HLA-DOB: variants seen among roughly 807,000 people sequenced by gnomAD.
HLA-DOB encodes HLA class II histocompatibility antigen, DO beta chain.
In HLA-DOB, 25 loss-of-function variants were observed where a neutral mutation model predicts 27.7. The observed-to-expected ratio is 0.90, with a 90% confidence interval of 0.66 to 1.26. The LOEUF (loss-of-function observed/expected upper bound fraction) is 1.26. Among genes scored for constraint, HLA-DOB ranks in the 50% most tolerant of loss-of-function variants. The probability of loss-of-function intolerance (pLI) is 0.00; values close to 1 mark genes in which losing one functional copy is unlikely to be tolerated. For missense variants in HLA-DOB, 306 were observed against 324.9 expected, an observed-to-expected ratio of 0.94 and a Z score of 0.45; for synonymous variants, 137 against 125.6, an observed-to-expected ratio of 1.09 and a Z score of -0.61.
intron 3 of HLA-DOB, 90 bp downstream of exon 3, chr6:32,814,230 A>T: frequency 8.0e-7 from 1 of 1,247,540 alleles, no homozygotes; most frequent in Non-Finnish European, 1.1e-6. Context: ...TCATGTTGTG[A>T]CCAAGATAAA....
rs186866926 is a variant in HLA-DOB, at chr6:32,813,572, C to T, written c.755-101G>A. ...GCTGGCAAGGTCAGCACTCTCTCTGCTTATCCCATTTCTAGCTTCAGAAAA... is the reference window on the plus strand; with the variant it reads ...GCTGGCAAGGTCAGCACTCTCTCTGTTTATCCCATTTCTAGCTTCAGAAAA... On this transcript the variant is annotated intron_variant, in intron 4 of 5. Coordinates refer to ENST00000438763, the MANE Select transcript of HLA-DOB (RefSeq NM_002120.4). 3.4e-4 allele frequency: 462 copies of T among 1,364,264 alleles called. 1 individual carries two copies. In the African/African-American group the frequency reaches 5.7e-3, roughly 17 times the overall value. 84.5% of individuals were successfully genotyped at this position (1,364,264 alleles called of 1,614,324 possible).
In HLA-DOB at chr6:32,814,436, T is replaced by C. The variant is rs201198783; in HGVS notation, c.527A>G (p.Asn176Ser). 166 of 1,612,972 alleles carry C rather than the reference T, an allele frequency of 1.0e-4. No individual in the cohort carries two copies. Among genetic ancestry groups the C allele is most frequent in the Middle Eastern group, 8.2e-4 (5 of 6,084 alleles). ...CACAGTCTGAAAGGTCCAGTCTCCA[T>C]TCCTGATAGGGCCAGTGGACATGAC... is the stretch of plus-strand genomic sequence containing the variant. ...AGVMSTGPIR[N>S]GDWTFQTVVM... The change falls in exon 3 of 6, where the codon AAT (asparagine) becomes AGT (serine). Residue 176 changes from asparagine (N) to serine (S), a missense_variant. Coordinates refer to ENST00000438763, the MANE Select transcript of HLA-DOB (RefSeq NM_002120.4).
At chr6:32,814,106 T>C in intron 3 of HLA-DOB, 4 of 609,140 alleles carry the variant, frequency 6.6e-6, no homozygotes, top group Middle Eastern at 4.4e-4. Flanking sequence ...AATGAGGTGA[T>C]TAGATCTCCT....
chr6:32,813,339 C>A, intron 5 of HLA-DOB, 88 bp from the exon 6 acceptor site: 1 of 1,587,742 alleles, frequency 6.3e-7, no homozygotes, highest in South Asian at 1.1e-5. Context: ...CCCATCCAGA[C>A]AGCAGCAACC....
intron 4 of HLA-DOB, 37 bp from the exon 5 acceptor site, chr6:32,813,508 T>G (rs371999097): frequency 6.1e-5 from 98 of 1,608,700 alleles, no homozygotes; most frequent in Non-Finnish European, 7.2e-5. Flanking sequence ...ATTGCCCCAA[T>G]TAGGACCCAA....
chr6:32,813,385 C>G (rs1001337250), intron 5 of HLA-DOB, 55 bp downstream of exon 5: 1 of 1,602,276 alleles, frequency 6.2e-7, no homozygotes, highest in East Asian at 2.2e-5. Flanking sequence ...CTCCCTCTGG[C>G]CAAAGAACCG....
chr6:32,814,935 G>T, intron 2 of HLA-DOB, 109 bp downstream of exon 2: 1 of 1,263,884 alleles, frequency 7.9e-7, no homozygotes, highest in Non-Finnish European at 1.1e-6. Context: ...CATCTACACA[G>T]ACAACCATTT....
At chr6:32,814,825 G>C (rs1476356867) in intron 2 of HLA-DOB, among the ~76,000 whole-genome samples, 1 of 152,146 alleles carries the variant, frequency 6.6e-6, no homozygotes, top group Non-Finnish European at 1.5e-5. Context: ...TTCTCTTTGA[G>C]GGCACAATAG....
At chr6:32,816,017 G>T (rs754066347) in intron 1 of HLA-DOB, among the ~76,000 whole-genome samples, 5 of 151,986 alleles carry the variant, frequency 3.3e-5, no homozygotes, top group Admixed American at 1.3e-4. Flanking sequence ...TAAACCAGGG[G>T]GGAAATCTGA....
chr6:32,813,798 T>C lies in HLA-DOB; in HGVS notation c.679A>G (p.Ser227Gly). ...QSEYSWRKML[S>G]GIAAFLLGLI... is the part of the protein sequence containing the mutation. ...CCAAGTAGGAAGGCTGCAATGCCAC[T>C]CAGCATCTTTCTCCAAGAATATTCA... The change falls in exon 4 of 6, where the codon AGT becomes GGT. Residue 227 changes from serine to glycine, a missense_variant. Ser to Gly is a moderately conservative substitution (Grantham distance 56). Coordinates refer to ENST00000438763, the MANE Select transcript of HLA-DOB (RefSeq NM_002120.4). 6.4e-7 allele frequency: 1 copy of C among 1,562,652 alleles called. No homozygotes were observed. The highest frequency in any genetic ancestry group is 8.7e-7 in the Non-Finnish European group (1 of 1,151,622).
chr6:32,813,978 GT>G (rs34818665), intron 3 of HLA-DOB, 145 bp from the exon 4 acceptor site: 16,864 of 658,664 alleles, frequency 0.026, 313 homozygotes, highest in East Asian at 0.047. Context: ...CGAAACCAAA[GT>G]TGGCACCCAT....
At position 32,813,811 on chromosome 6, in the gene HLA-DOB, C is replaced by T. The variant is rs770667884; in HGVS notation, c.666G>A (p.Trp222Ter). Residue 222 changes from tryptophan (W) to a stop codon, truncating the protein, a stop_gained, in exon 4 of 6, where the codon TGG (tryptophan) becomes TGA (stop). Transcript: ENST00000438763. LOFTEE classifies it high-confidence loss of function. Reference sequence around the variant, plus strand: ...CTGCAATGCCACTCAGCATCTTTCTCCAAGAATATTCAGACTGAGCTCCTA... The same window carrying T: ...CTGCAATGCCACTCAGCATCTTTCTTCAAGAATATTCAGACTGAGCTCCTA... ...VEWRAQSEYS[W>*]RKMLSGIAAF... 1 of 1,559,286 alleles carries T rather than the reference C, an allele frequency of 6.4e-7. No homozygotes were observed. Among genetic ancestry groups the T allele is most frequent in the South Asian group, 1.2e-5 (1 of 84,714 alleles).
At chr6:32,815,827 G>T (rs1554228320) in intron 1 of HLA-DOB, among the ~76,000 whole-genome samples, 1 of 152,248 alleles carries the variant, frequency 6.6e-6, no homozygotes, top group South Asian at 2.1e-4. Flanking sequence ...TGCTATTAAT[G>T]TTGGGTTGTA....
At chr6:32,813,620 G>A (rs2127323395) in intron 4 of HLA-DOB, 103 bp downstream of exon 4, 10 of 1,182,748 alleles carry the variant, frequency 8.5e-6, no homozygotes, top group South Asian at 5.2e-5. Context: ...TGATCCCTGA[G>A]AGGCACAATC....
intron 3 of HLA-DOB, 191 bp downstream of exon 3, chr6:32,814,129 G>A (rs564361358): frequency 3.2e-6 from 2 of 617,612 alleles, no homozygotes; most frequent in African/African-American, 3.7e-5. Flanking sequence ...TTTCTTGGAA[G>A]ATATGAGGAT....
At chr6:32,813,699 G>T in intron 4 of HLA-DOB, 24 bp downstream of exon 4, 1 of 1,439,046 alleles carries the variant, frequency 6.9e-7, no homozygotes, top group Non-Finnish European at 9.6e-7. Context: ...ACAGGTGGCA[G>T]GGCACTCCTC....
Position 32,816,898 on chromosome 6 carries a change from T to G in HLA-DOB, c.54A>C (p.Arg18=), listed in dbSNP as rs112887968. 1 of 1,612,940 alleles carries G rather than the reference T, an allele frequency of 6.2e-7. No individual in the cohort carries two copies. The highest frequency in any genetic ancestry group is 1.1e-5 in the South Asian group (1 of 91,072). ...TGCCTTGAGTCATGGAGGAATCCAGTCGGGTCAGATTCACTAGCAGAGCCA... is the reference window on the plus strand; with the variant it reads ...TGCCTTGAGTCATGGAGGAATCCAGGCGGGTCAGATTCACTAGCAGAGCCA... ...WVVALLVNLT[R]LDSSMTQGTD... is the part of the protein sequence containing the mutation. Residue 18 remains arginine (R), a synonymous_variant, in exon 1 of 6, where the codon CGA becomes CGC. Transcript: ENST00000438763.
In HLA-DOB at chr6:32,813,423, G is replaced by A. The variant is rs767235165; in HGVS notation, c.786+17C>T. 6 of 1,612,396 alleles carry A rather than the reference G, an allele frequency of 3.7e-6. No homozygotes were observed. The highest frequency in any genetic ancestry group is 1.7e-5 in the Admixed American group (1 of 59,984). ...AGAATGATCTGCCACTCAAAGACAA[G>A]GAAAAAGAGACATTACCTCATTACC... is the stretch of plus-strand genomic sequence containing the variant. On this transcript the variant is annotated intron_variant, in intron 5 of 5. Transcript: ENST00000438763.
chr6:32,813,750 T>C lies in HLA-DOB; in HGVS notation c.727A>G (p.Ile243Val). 1.9e-6 allele frequency: 3 copies of C among 1,559,516 alleles called. No individual in the cohort carries two copies. In the Admixed American group the frequency reaches 5.8e-5, roughly 30 times the overall value. The change falls in exon 4 of 6, where the codon ATC becomes GTC. Residue 243 changes from isoleucine (I) to valine (V), a missense_variant. Ile to Val is a conservative substitution (Grantham distance 29). Coordinates refer to ENST00000438763, the MANE Select transcript of HLA-DOB (RefSeq NM_002120.4). ...TTCTGAGCCCTTAGCTGGATGACGA[T>C]TCCCACCAGAAGGAAGATTAGCCCA... ...LLGLIFLLVG[I>V]VIQLRAQKGY...
Sources: gnomAD v4.1 joint callset for allele counts (sites outside exome capture counted in the v4.1 genomes callset) on GRCh38, gnomAD v4.1.1 for gene constraint, MANE v1.5 for transcripts, NCBI Gene and HGNC (gene_info 2026-07-23, HGNC 2026-07-21) for gene names.